The following LAMA2 variants were observed in gnomAD, a reference collection of about 807,000 sequenced individuals.
LAMA2 encodes laminin subunit alpha 2, also known as laminin subunit alpha-2.
Under a neutral mutation model 364.8 loss-of-function variants are expected in LAMA2, and 269 were observed. The ratio of observed to expected loss-of-function variants is 0.74; its 90% confidence interval spans 0.67 to 0.82. The LOEUF (loss-of-function observed/expected upper bound fraction) is 0.82. Ranked by LOEUF, LAMA2 falls within the 40% of genes least tolerant of loss-of-function variation. LAMA2 has a pLI of 0.00. For synonymous variants in LAMA2, 1,379 were observed against 1,370.6 expected (o/e 1.01, Z -0.14); for missense variants, 3,807 against 3,873.2 (o/e 0.98, Z 0.45).
intron 1 of LAMA2, among the ~76,000 whole-genome samples, chr6:128,954,388 T>C (rs1223454190): frequency 2.0e-5 from 3 of 152,082 alleles, no homozygotes; most frequent in Non-Finnish European, 4.4e-5. Context: ...TTGTTTTTTA[T>C]ACTATATTAT....
At chr6:129,037,215 C>A (rs1172767387) in intron 1 of LAMA2, among the ~76,000 whole-genome samples, 2 of 152,076 alleles carry the variant, frequency 1.3e-5, no homozygotes, top group Admixed American at 1.3e-4. Context: ...TAGAATCATT[C>A]AAACACAAAT....
chr6:129,440,542 A>G (rs1782053593), intron 42 of LAMA2, among the ~76,000 whole-genome samples: 1 of 152,176 alleles, frequency 6.6e-6, no homozygotes, highest in Non-Finnish European at 1.5e-5. Context: ...GTTCAGCAGC[A>G]AATCACAATA....
At chr6:129,041,528 T>C (rs557743875) in intron 1 of LAMA2, among the ~76,000 whole-genome samples, 1 of 152,330 alleles carries the variant, frequency 6.6e-6, no homozygotes, top group African/African-American at 2.4e-5. Flanking sequence ...TTAAGAAATG[T>C]CAATTTAACT....
chr6:128,938,621 A>G (rs969901373), intron 1 of LAMA2, among the ~76,000 whole-genome samples: 14 of 152,158 alleles, frequency 9.2e-5, no homozygotes, highest in Admixed American at 7.9e-4. Context: ...GGGTCAAAGC[A>G]TTTGATGTTA....
At position 129,366,250 on chromosome 6, in the gene LAMA2, C is replaced by T. The variant is rs754850670; in HGVS notation, c.4749C>T (p.Leu1583=). 9.3e-6 allele frequency: 15 copies of T among 1,613,776 alleles called. No homozygotes were observed. The highest frequency in any genetic ancestry group is 2.2e-5 in the East Asian group (1 of 44,882). ...FCGDECTGLL[L]GDLARLEQMV... ...GAGATGAGTGCACTGGCCTTCTTCTCGGTGACTTGGCTCGCCTGGAGCAGA... is the reference window on the plus strand; with the variant it reads ...GAGATGAGTGCACTGGCCTTCTTCTTGGTGACTTGGCTCGCCTGGAGCAGA... The change falls in exon 33 of 65, where the codon CTC becomes CTT. Residue 1583 remains leucine, a synonymous_variant. Coordinates refer to ENST00000421865, the MANE Select transcript of LAMA2 (RefSeq NM_000426.4).
chr6:129,291,344 A>G (rs1220409263), intron 19 of LAMA2, among the ~76,000 whole-genome samples: 4 of 152,180 alleles, frequency 2.6e-5, no homozygotes, highest in Non-Finnish European at 4.4e-5. Context: ...CATGCTCAAA[A>G]TTGGAATGAT....
chr6:129,422,184 A>G (rs1326105629), intron 40 of LAMA2, among the ~76,000 whole-genome samples: 1 of 152,010 alleles, frequency 6.6e-6, no homozygotes, highest in Non-Finnish European at 1.5e-5. Context: ...TACTATTTCT[A>G]CTATATCTTC....
chr6:129,486,838 G>A (rs758417329), intron 56 of LAMA2, among the ~76,000 whole-genome samples: 5 of 151,816 alleles, frequency 3.3e-5, no homozygotes, highest in African/African-American at 7.3e-5. Context: ...ATTTTTATTC[G>A]TGCAGTTATC....
chr6:129,078,623 A>T (rs1449410683), intron 3 of LAMA2, among the ~76,000 whole-genome samples: 2 of 152,154 alleles, frequency 1.3e-5, no homozygotes, highest in Non-Finnish European at 2.9e-5. Flanking sequence ...AGCCTCTTAT[A>T]ATATGGTATG....
chr6:129,428,857 C>G (rs1781453935), intron 41 of LAMA2, among the ~76,000 whole-genome samples: 1 of 152,164 alleles, frequency 6.6e-6, no homozygotes, highest in African/African-American at 2.4e-5. Flanking sequence ...CATGGCTGCT[C>G]TCTATATGAG....
Position 129,144,987 on chromosome 6 carries a change from T to C in LAMA2, c.819+907T>C, listed in dbSNP as rs1329842133. On this transcript the variant is annotated intron_variant, in intron 5 of 64. Coordinates refer to ENST00000421865, the MANE Select transcript of LAMA2 (RefSeq NM_000426.4). Reference sequence around the variant, plus strand: ...TTATGGCACCTCCCACATATGCTGCTACACAACCAAGGCATTATTACCAGG... The same window carrying C: ...TTATGGCACCTCCCACATATGCTGCCACACAACCAAGGCATTATTACCAGG... Among the ~76,000 whole-genome samples the C allele has an allele frequency of 2.0e-5, 3 of 151,956 alleles. No homozygotes were observed. In the East Asian group the frequency reaches 5.8e-4, roughly 29 times the overall value.
At chr6:129,283,615 A>C (rs1180373715) in intron 18 of LAMA2, among the ~76,000 whole-genome samples, 1 of 151,510 alleles carries the variant, frequency 6.6e-6, no homozygotes, top group African/African-American at 2.4e-5. Context: ...AGGTGTTTGA[A>C]TCTAATTGCT....
chr6:129,237,406 G>A (rs1363854053), intron 12 of LAMA2, among the ~76,000 whole-genome samples: 2 of 151,576 alleles, frequency 1.3e-5, no homozygotes, highest in Admixed American at 1.3e-4. Flanking sequence ...GTGTGATCTC[G>A]GCTCACTGCA....
chr6:128,983,729 A>G (rs1016141627), intron 1 of LAMA2, among the ~76,000 whole-genome samples: 4 of 152,214 alleles, frequency 2.6e-5, no homozygotes, highest in Non-Finnish European at 4.4e-5. Context: ...CAGCTTGTGA[A>G]CAATGCTTTG....
At chr6:129,053,649 C>T (rs1373756219) in intron 2 of LAMA2, among the ~76,000 whole-genome samples, 1 of 152,090 alleles carries the variant, frequency 6.6e-6, no homozygotes. Flanking sequence ...TTAAATGCTT[C>T]GAAGATAATT....
At chr6:129,319,311 A>G (rs947152539) in intron 27 of LAMA2, among the ~76,000 whole-genome samples, 2 of 152,228 alleles carry the variant, frequency 1.3e-5, no homozygotes, top group East Asian at 3.8e-4. Flanking sequence ...GTCTGTTTGC[A>G]AGAATATAAA....
At chr6:129,021,437 G>A (rs924708518) in intron 1 of LAMA2, among the ~76,000 whole-genome samples, 7 of 152,164 alleles carry the variant, frequency 4.6e-5, no homozygotes, top group Admixed American at 1.3e-4. Context: ...CATGCTTTAT[G>A]TAATACAGTT....
chr6:129,135,160 C>G (rs1254130124), intron 4 of LAMA2, among the ~76,000 whole-genome samples: 2 of 152,050 alleles, frequency 1.3e-5, no homozygotes, highest in Non-Finnish European at 2.9e-5. Flanking sequence ...ACAGTAAAGA[C>G]TATTCCAGAA....
In LAMA2 at chr6:128,907,420, T is replaced by A. The variant is rs927235822; in HGVS notation, c.112+24063T>A. Among the ~76,000 whole-genome samples the A allele has an allele frequency of 4.6e-3, 704 of 152,122 alleles. 6 individuals carry two copies. The highest frequency in any genetic ancestry group is 0.015 in the African/African-American group (634 of 41,400). ...GCAATTGTGAATGGGAGTTCACTCA[T>A]GATTTGGCTCTGTTTGTCTGTTGTT... On this transcript the variant is annotated intron_variant, in intron 1 of 64. Coordinates refer to ENST00000421865, the MANE Select transcript of LAMA2 (RefSeq NM_000426.4).
Sources: gnomAD v4.1 joint callset for allele counts (sites outside exome capture counted in the v4.1 genomes callset) on GRCh38, gnomAD v4.1.1 for gene constraint, MANE v1.5 for transcripts, NCBI Gene and HGNC (gene_info 2026-07-23, HGNC 2026-07-21) for gene names.